The following TMCC3 variants were observed in gnomAD, a reference collection of about 807,000 sequenced individuals.
TMCC3 encodes transmembrane and coiled-coil domain family 3.
TMCC3 carries 28 observed loss-of-function variants against 40.2 expected under a neutral mutation model. The ratio of observed to expected loss-of-function variants is 0.70; its 90% CI spans 0.52 to 0.95. The LOEUF (loss-of-function observed/expected upper bound fraction) is 0.95, where lower values mean the gene tolerates loss of function less well. TMCC3 is among the 40% of genes least tolerant of loss of function. The pLI is 0.00. For missense variants in TMCC3, 554 were observed against 615.2 expected (o/e 0.90, Z 1.05); for synonymous variants, 255 against 248.5 (o/e 1.03, Z -0.25).
At chr12:94,597,147 ATATATATATATGTATATAAAT>A (rs2068721398) in intron 1 of TMCC3, among the ~76,000 whole-genome samples, 6 of 15,336 alleles carry the variant, frequency 3.9e-4, no homozygotes, top group Non-Finnish European at 8.4e-4. Flanking sequence ...ATATATATAT[ATATATATATATGTATATAAAT>A]TAGCCAGGCC....
At chr12:94,647,719 CAT>C (rs2069027730) in intron 1 of TMCC3, among the ~76,000 whole-genome samples, 1 of 152,184 alleles carries the variant, frequency 6.6e-6, no homozygotes, top group Non-Finnish European at 1.5e-5. Context: ...GTCAGGAAAA[CAT>C]ATCTTTACAG....
At chr12:94,609,191 A>G (rs2455149) in intron 1 of TMCC3, among the ~76,000 whole-genome samples, 107,100 of 152,042 alleles carry the variant, frequency 0.7, 38,127 homozygotes, top group African/African-American at 0.75. Flanking sequence ...TCACACCACT[A>G]CACACCAGCC....
intron 1 of TMCC3, among the ~76,000 whole-genome samples, chr12:94,586,354 C>T (rs2068638325): frequency 6.6e-6 from 1 of 152,198 alleles, no homozygotes; most frequent in African/African-American, 2.4e-5. Flanking sequence ...CCCTTGTGCC[C>T]TCCTTCAATC....
chr12:94,593,385 A>AG lies in TMCC3; in HGVS notation c.79-10848_79-10847insC, dbSNP rs1437927110. Among the ~76,000 whole-genome samples the AG allele has an allele frequency of 2.6e-4, 16 of 62,088 alleles. 2 individuals carry two copies. Among genetic ancestry groups the AG allele is most frequent in the African/African-American group, 1.8e-3 (15 of 8,416 alleles). The allele number at this position is 62,088 out of a possible 152,430, so 40.7% of individuals were successfully genotyped here. A position where few individuals can be genotyped will look rare whatever the true frequency, so the allele number is the denominator to read the frequency against. ...AAAAAAAAAAAAAGAAAAGAAAAGAAAGAAGAAAGAAGAAAGAAGAAGAAG... is the reference window on the plus strand; with the variant it reads ...AAAAAAAAAAAAAGAAAAGAAAAGAAGAGAAGAAAGAAGAAAGAAGAAGAAG... On this transcript the variant is annotated intron_variant, in intron 1 of 3. Transcript: ENST00000261226.
chr12:94,620,106 C>T (rs1236974556), intron 1 of TMCC3, among the ~76,000 whole-genome samples: 2 of 151,378 alleles, frequency 1.3e-5, no homozygotes, highest in African/African-American at 4.9e-5. Flanking sequence ...GAGGTTGCGG[C>T]GAGCCAAGAT....
chr12:94,572,847 T>G (rs547958040), intron 3 of TMCC3, among the ~76,000 whole-genome samples: 1 of 152,208 alleles, frequency 6.6e-6, no homozygotes, highest in East Asian at 1.9e-4. Context: ...TGGGGCTGAC[T>G]GTGGGGCAAC....
intron 1 of TMCC3, among the ~76,000 whole-genome samples, chr12:94,626,851 G>A (rs1382678195): frequency 6.6e-6 from 1 of 152,100 alleles, no homozygotes; most frequent in East Asian, 1.9e-4. Context: ...TGTTGTTGTT[G>A]TTATTGTTTG....
chr12:94,591,210 A>G (rs897811696), intron 1 of TMCC3: 1 of 201,524 alleles, frequency 5.0e-6, no homozygotes, highest in Non-Finnish European at 1.0e-5. Flanking sequence ...AGAAACCTGC[A>G]TACATTCTGA....
chr12:94,601,191 A>C (rs2068750162), intron 1 of TMCC3, among the ~76,000 whole-genome samples: 1 of 152,198 alleles, frequency 6.6e-6, no homozygotes, highest in Non-Finnish European at 1.5e-5. Flanking sequence ...TTATGTAGAA[A>C]AAGTCCTTGT....
chr12:94,573,377 C>A (rs2068544999), intron 3 of TMCC3, among the ~76,000 whole-genome samples: 1 of 152,176 alleles, frequency 6.6e-6, no homozygotes, highest in Admixed American at 6.5e-5. Context: ...TGTTCCCCAC[C>A]CTTACGAATC....
chr12:94,581,806 G>A lies in TMCC3; in HGVS notation c.811C>T (p.Gln271Ter), dbSNP rs2068603603. 7 of 1,613,986 alleles carry A rather than the reference G, an allele frequency of 4.3e-6. No individual in the cohort carries two copies. The highest frequency in any genetic ancestry group is 5.9e-6 in the Non-Finnish European group (7 of 1,179,970). The change falls in exon 2 of 4, where the codon CAG (glutamine) becomes TAG (stop). Residue 271 changes from glutamine (Q) to a stop codon, truncating the protein, a stop_gained. Coordinates refer to ENST00000261226, the MANE Select transcript of TMCC3 (RefSeq NM_020698.4). LOFTEE classifies it high-confidence loss of function. Reference sequence around the variant, plus strand: ...CTGGCTCCACCAGCCCCAAACGACTGGTTTCCGTTACTGTCGGCCGAGCCT... The same window carrying A: ...CTGGCTCCACCAGCCCCAAACGACTAGTTTCCGTTACTGTCGGCCGAGCCT... The part of the protein sequence containing the change: ...TSGSADSNGN[Q>*]SFGAGGASTL...
chr12:94,631,210 A>T (rs1053311075), intron 1 of TMCC3, among the ~76,000 whole-genome samples: 1 of 152,214 alleles, frequency 6.6e-6, no homozygotes, highest in Non-Finnish European at 1.5e-5. Flanking sequence ...AAAGAAAGCT[A>T]TGGAACCTCT....
intron 1 of TMCC3, among the ~76,000 whole-genome samples, chr12:94,583,202 CG>C (rs1361302987): frequency 6.7e-6 from 1 of 149,124 alleles, no homozygotes. Context: ...AAAAAAAGGC[CG>C]GGGGGTGGGG....
Position 94,598,329 on chromosome 12 carries a change from C to G in TMCC3, c.79-15791G>C, listed in dbSNP as rs75111483. 9.3e-3 allele frequency among the ~76,000 whole-genome samples: 1,410 copies of G among 152,072 alleles called. 49 individuals carry two copies. In the East Asian group the frequency reaches 0.12, roughly 13 times the overall value. On this transcript the variant is annotated intron_variant, in intron 1 of 3. Transcript: ENST00000261226. ...TACATATACCTGTTTCCTTTAACCC[C>G]TAAAGCCCCTCAAATCTACTTAGTT...
chr12:94,625,653 G>A (rs965713620), intron 1 of TMCC3, among the ~76,000 whole-genome samples: 42 of 150,086 alleles, frequency 2.8e-4, no homozygotes, highest in Middle Eastern at 3.5e-3. Context: ...TAGTCTCACC[G>A]TGAACGAAGG....
At chr12:94,614,082 G>A (rs1379968544) in intron 1 of TMCC3, among the ~76,000 whole-genome samples, 1 of 129,734 alleles carries the variant, frequency 7.7e-6, no homozygotes, top group Non-Finnish European at 1.6e-5. Context: ...GCGACAGAGT[G>A]AGACTCCATC....
intron 1 of TMCC3, among the ~76,000 whole-genome samples, chr12:94,597,337 A>T (rs2068724096): frequency 6.6e-6 from 1 of 151,442 alleles, no homozygotes; most frequent in Non-Finnish European, 1.5e-5. Flanking sequence ...AGAAAAAAAA[A>T]TTAAGATCTC....
intron 1 of TMCC3, among the ~76,000 whole-genome samples, chr12:94,625,006 G>C (rs1410643665): frequency 6.6e-6 from 1 of 151,674 alleles, no homozygotes; most frequent in Non-Finnish European, 1.5e-5. Context: ...GCTGGGTGTG[G>C]TGACACACCC....
intron 1 of TMCC3, among the ~76,000 whole-genome samples, chr12:94,588,842 TTGA>T (rs1321909986): frequency 1.3e-4 from 16 of 119,590 alleles, no homozygotes; most frequent in African/African-American, 5.2e-4. Context: ...TTTTTTTTTT[TTGA>T]GACAGTCTCA....
Sources: allele counts gnomAD v4.1 joint callset (sites outside exome capture counted in the v4.1 genomes callset), GRCh38; gene constraint gnomAD v4.1.1; transcripts MANE v1.5; gene names NCBI Gene and HGNC (gene_info 2026-07-23, HGNC 2026-07-21).